The following ALDH18A1 variants were observed in gnomAD, a reference collection of about 807,000 sequenced individuals.
ALDH18A1 encodes the protein aldehyde dehydrogenase 18 family member A1.
A neutral mutation model predicts 88.8 loss-of-function variants in ALDH18A1; 44 were observed. The ratio of observed to expected loss-of-function variants is 0.50; its 90% confidence interval spans 0.39 to 0.64. ALDH18A1 has a LOEUF of 0.64. Ranked by LOEUF, ALDH18A1 falls within the 30% of genes least tolerant of loss-of-function variation. The pLI, the probability that ALDH18A1 is intolerant of heterozygous loss-of-function variation, is 0.00. For synonymous variants in ALDH18A1, 331 were observed against 372.1 expected (o/e 0.89, Z 1.27); for missense variants, 782 against 1,009.5 (o/e 0.77, Z 3.05).
At chr10:95,609,716 G>A (rs1210091603) in intron 17 of ALDH18A1, among the ~76,000 whole-genome samples, 1 of 150,898 alleles carries the variant, frequency 6.6e-6, no homozygotes, top group Non-Finnish European at 1.5e-5. Flanking sequence ...ACTCATGGGA[G>A]GTTTCATTAA....
intron 3 of ALDH18A1, among the ~76,000 whole-genome samples, chr10:95,639,666 C>G (rs2097887675): frequency 6.6e-6 from 1 of 151,854 alleles, no homozygotes; most frequent in African/African-American, 2.4e-5. Context: ...AGCCAGTGTT[C>G]ATATTTTTCC....
chr10:95,622,793 T>A (rs2097854851), intron 11 of ALDH18A1, among the ~76,000 whole-genome samples: 1 of 152,120 alleles, frequency 6.6e-6, no homozygotes, highest in African/African-American at 2.4e-5. Context: ...CACCTCGGCC[T>A]CCCAAAGTGC....
intron 2 of ALDH18A1, among the ~76,000 whole-genome samples, chr10:95,646,313 A>T (rs765489863): frequency 1.3e-5 from 2 of 152,172 alleles, no homozygotes; most frequent in Non-Finnish European, 2.9e-5. Context: ...CCAGGCTAGC[A>T]TGAAGGAGGC....
intron 13 of ALDH18A1, among the ~76,000 whole-genome samples, chr10:95,615,019 C>A (rs2097841846): frequency 6.6e-6 from 1 of 152,116 alleles, no homozygotes; most frequent in East Asian, 1.9e-4. Flanking sequence ...TGTTTGATCT[C>A]ATTTATATAA....
chr10:95,656,145 G>A (rs950254722), intron 1 of ALDH18A1, among the ~76,000 whole-genome samples: 4 of 152,178 alleles, frequency 2.6e-5, no homozygotes, highest in African/African-American at 9.7e-5. Context: ...AGGCCCCTGA[G>A]AGTCAGCGTG....
At chr10:95,637,574 A>C (rs2097883245) in intron 3 of ALDH18A1, 138 bp from the exon 4 acceptor site, 1 of 984,174 alleles carries the variant, frequency 1.0e-6, no homozygotes, top group African/African-American at 1.6e-5. Flanking sequence ...TGGCTCTGGA[A>C]GAATCAGCCA....
rs373104946 is a variant in ALDH18A1 at position 95,615,560 on chromosome 10, T to G, written c.1605+917A>C. Among the ~76,000 whole-genome samples the G allele has an allele frequency of 4.4e-3, 670 of 152,092 alleles. 2 individuals are homozygous for G. The highest frequency in any genetic ancestry group is 0.021 in the Middle Eastern group (6 of 292). On this transcript the variant is annotated intron_variant, in intron 13 of 17. Transcript: ENST00000371224. ...TACTTTACTGTACGTATGTTACACA[T>G]CAATAGGAAGAAAAGGAGGGAGGGC...
chr10:95,621,067 C>T lies in ALDH18A1; in HGVS notation c.1431G>A (p.Leu477=). Residue 477 remains leucine, a synonymous_variant, in exon 12 of 18, where the codon CTG becomes CTA. Transcript: ENST00000371224. Reference sequence around the variant, plus strand: ...AGTCAGGACGAGATTCAAAGATCACCAGCAGAACTCCAATTGGGACAGTCA... The same window carrying T: ...AGTCAGGACGAGATTCAAAGATCACTAGCAGAACTCCAATTGGGACAGTCA... The part of the protein sequence containing the change: ...EQVTVPIGVL[L]VIFESRPDCL... The T allele has an allele frequency of 6.2e-7, 1 of 1,614,122 alleles. No homozygotes were observed. The highest frequency in any genetic ancestry group is 1.1e-5 in the South Asian group (1 of 91,076).
chr10:95,616,487 G>A lies in ALDH18A1; in HGVS notation c.1595C>T (p.Ala532Val), dbSNP rs765389079. ...TTCCCAGGGACCTACCAGTTGCACGGCCTCCTTGACTCCATGGATTGAGAG... is the reference window on the plus strand; with the variant it reads ...TTCCCAGGGACCTACCAGTTGCACGACCTCCTTGACTCCATGGATTGAGAG... ...EALSIHGVKE[A>V]VQLVNTREEV... Residue 532 changes from alanine (A) to valine (V), a missense_variant, in exon 13 of 18, where the codon GCC (alanine) becomes GTC (valine). Ala to Val is a moderately conservative substitution (Grantham distance 64). Coordinates refer to ENST00000371224, the MANE Select transcript of ALDH18A1 (RefSeq NM_002860.4). 3 of 1,566,962 alleles carry A rather than the reference G, an allele frequency of 1.9e-6. No homozygotes were observed. Among genetic ancestry groups the A allele is most frequent in the Non-Finnish European group, 2.6e-6 (3 of 1,154,744 alleles).
chr10:95,620,746 C>A (rs2097850848), intron 12 of ALDH18A1, among the ~76,000 whole-genome samples: 1 of 148,330 alleles, frequency 6.7e-6, no homozygotes, highest in Non-Finnish European at 1.5e-5. Flanking sequence ...ACAATGAGAA[C>A]ACTTGGACAC....
chr10:95,630,356 T>C (rs1391555501), intron 7 of ALDH18A1, among the ~76,000 whole-genome samples: 1 of 152,234 alleles, frequency 6.6e-6, no homozygotes, highest in African/African-American at 2.4e-5. Flanking sequence ...GCTATAAAGA[T>C]TGAATAAATT....
At chr10:95,641,526 G>A (rs572539453) in intron 3 of ALDH18A1, among the ~76,000 whole-genome samples, 3 of 139,956 alleles carry the variant, frequency 2.1e-5, no homozygotes, top group African/African-American at 5.1e-5. Flanking sequence ...GGGGCGGGTG[G>A]GGGGGTGGTC....
intron 5 of ALDH18A1, among the ~76,000 whole-genome samples, chr10:95,635,467 C>T (rs1335435549): frequency 1.3e-5 from 2 of 152,140 alleles, no homozygotes; most frequent in Non-Finnish European, 2.9e-5. Flanking sequence ...AATCAGTTTC[C>T]CTTCTATGAA....
In ALDH18A1 at chr10:95,606,561, A is replaced by G. The variant is rs541189157; in HGVS notation, c.*201T>C. ...CGGTAGCAACTATTTTCTTACTTTA[A>G]AAAAAAAGGGTGAGCTGGGAGCCAG... On this transcript the variant is annotated 3_prime_UTR_variant, in exon 18 of 18. Transcript: ENST00000371224. 6.8e-7 allele frequency: 1 copy of G among 1,466,072 alleles called. No individual in the cohort carries two copies. The highest frequency in any genetic ancestry group is 2.6e-5 in the Admixed American group (1 of 38,942). 90.8% of individuals were successfully genotyped at this position (1,466,072 alleles called of 1,614,324 possible).
At chr10:95,653,146 CCACTG>C (rs2097913020) in intron 2 of ALDH18A1, 139 bp downstream of exon 2, 4 of 752,170 alleles carry the variant, frequency 5.3e-6, no homozygotes, top group African/African-American at 1.7e-5. Context: ...TATGTTTGTG[CCACTG>C]CACTCCAGCC....
intron 2 of ALDH18A1, among the ~76,000 whole-genome samples, chr10:95,649,887 T>TA (rs74369926): frequency 0.011 from 1,408 of 125,104 alleles, 13 homozygotes; most frequent in East Asian, 0.013. Flanking sequence ...TCTCAAAAAA[T>TA]AAAAAAAAAA....
intron 2 of ALDH18A1, among the ~76,000 whole-genome samples, chr10:95,645,920 T>C (rs1220271984): frequency 6.6e-6 from 1 of 152,224 alleles, no homozygotes; most frequent in Non-Finnish European, 1.5e-5. Context: ...GGTACCCTAC[T>C]CTGCTTTCAG....
At chr10:95,620,907 T>G (rs2139567541) in intron 12 of ALDH18A1, 124 bp downstream of exon 12, 1 of 949,626 alleles carries the variant, frequency 1.1e-6, no homozygotes, top group African/African-American at 1.7e-5. Context: ...ACCTGCACGT[T>G]GTGCACATGT....
intron 7 of ALDH18A1, 151 bp from the exon 8 acceptor site, chr10:95,628,643 G>A: frequency 1.2e-6 from 1 of 868,900 alleles, no homozygotes; most frequent in Non-Finnish European, 1.8e-6. Context: ...AAGAGAACAA[G>A]GGATTCGACA....
Sources: gnomAD v4.1 joint callset for allele counts (sites outside exome capture counted in the v4.1 genomes callset) on GRCh38, gnomAD v4.1.1 for gene constraint, MANE v1.5 for transcripts, NCBI Gene and HGNC (gene_info 2026-07-23, HGNC 2026-07-21) for gene names.